ACTR3C: variants seen among roughly 807,000 people sequenced by gnomAD.
ACTR3C encodes actin-related protein 3C.
Under a neutral mutation model 26.3 loss-of-function variants are expected in ACTR3C, and 18 were observed. That is an observed-to-expected ratio of 0.68 (90% CI 0.47 to 1.01). The LOEUF (loss-of-function observed/expected upper bound fraction) is 1.01, where lower values mean the gene tolerates loss of function less well. Among genes scored for constraint, ACTR3C ranks in the 50% least tolerant of loss-of-function variants. The probability of loss-of-function intolerance (pLI) is 0.00; values close to 1 mark genes in which losing one functional copy is unlikely to be tolerated. For missense variants in ACTR3C, 184 were observed against 250.7 expected (o/e 0.73, Z 1.80); for synonymous variants, 55 against 94.5 (o/e 0.58, Z 2.42).
chr7:150,152,286 T>C, the ACTR3C span, among the ~76,000 whole-genome samples: 1 of 152,100 alleles, frequency 6.6e-6, no homozygotes, highest in African/African-American at 2.4e-5. Context: ...TTGTCATAGA[T>C]AGCTCTTATT....
At chr7:150,250,638 C>G (rs1222682936) in intron 6 of ACTR3C, among the ~76,000 whole-genome samples, 3 of 151,830 alleles carry the variant, frequency 2.0e-5, no homozygotes, top group Non-Finnish European at 4.4e-5. Flanking sequence ...AGGGGAGAAG[C>G]CAGTGGGTTC....
chr7:150,072,335 G>A, the ACTR3C span, among the ~76,000 whole-genome samples: 15 of 126,976 alleles, frequency 1.2e-4, no homozygotes, highest in African/African-American at 3.1e-4. Flanking sequence ...AGTGGCTAAC[G>A]CAAACGCTGT....
the ACTR3C span, among the ~76,000 whole-genome samples, chr7:149,918,201 A>G: frequency 6.6e-6 from 1 of 152,038 alleles, no homozygotes; most frequent in African/African-American, 2.4e-5. Context: ...CGTATATATA[A>G]GATCATAAAG....
the ACTR3C span, chr7:149,892,477 T>C: frequency 7.4e-7 from 1 of 1,350,936 alleles, no homozygotes; most frequent in Non-Finnish European, 9.8e-7. Flanking sequence ...AATATCCTAA[T>C]ATACACACAA....
At chr7:149,895,613 T>C in the ACTR3C span, among the ~76,000 whole-genome samples, 2 of 152,110 alleles carry the variant, frequency 1.3e-5, no homozygotes, top group African/African-American at 2.4e-5. Flanking sequence ...GGCAGGAGGA[T>C]AGCTTGAGCT....
chr7:150,120,208 A>G, the ACTR3C span, among the ~76,000 whole-genome samples: 4 of 152,234 alleles, frequency 2.6e-5, no homozygotes, highest in African/African-American at 7.2e-5. Flanking sequence ...TTCAAAAGCT[A>G]GCAGAAGAGA....
the ACTR3C span, among the ~76,000 whole-genome samples, chr7:150,236,477 C>T: frequency 6.6e-6 from 1 of 152,284 alleles, no homozygotes; most frequent in South Asian, 2.1e-4. Flanking sequence ...ATACACACTG[C>T]AAAAGCTCTA....
the ACTR3C span, among the ~76,000 whole-genome samples, chr7:149,903,881 G>A: frequency 3.4e-5 from 2 of 59,588 alleles, 1 homozygote; most frequent in Admixed American, 4.5e-4. Context: ...TGTTGTTGTT[G>A]TTGTTGTTGT....
chr7:150,286,369 C>T lies in ACTR3C; in HGVS notation c.469G>A (p.Glu157Lys). Residue 157 changes from glutamate (E) to lysine (K), a missense_variant and splice_region_variant, in exon 5 of 8, where the codon GAG (glutamate) becomes AAG (lysine). Transcript: ENST00000683684. Reference protein sequence around the residue: ...FLGPEIFFHPEFANPDSMESI... With the variant: ...FLGPEIFFHPKFANPDSMESI... ...ACACAAAAAAAGAAACACCTTACCT[C>T]CGGGTGAAAGAATATTTCAGGTCCC... The T allele has an allele frequency of 6.2e-7, 1 of 1,613,982 alleles. No homozygotes were observed. The highest frequency in any genetic ancestry group is 8.5e-7 in the Non-Finnish European group (1 of 1,179,964).
At chr7:149,970,118 C>T in the ACTR3C span, among the ~76,000 whole-genome samples, 2 of 152,150 alleles carry the variant, frequency 1.3e-5, no homozygotes, top group African/African-American at 4.8e-5. Flanking sequence ...GGGCTGGCCT[C>T]ATGAGCTAGG....
At chr7:150,318,808 G>T (rs1247988303) in intron 1 of ACTR3C, among the ~76,000 whole-genome samples, 2 of 152,150 alleles carry the variant, frequency 1.3e-5, no homozygotes, top group African/African-American at 4.8e-5. Context: ...GATTCTTCTG[G>T]GGGCCCGTGA....
chr7:150,127,698 A>G, the ACTR3C span, among the ~76,000 whole-genome samples: 3 of 152,166 alleles, frequency 2.0e-5, no homozygotes, highest in Admixed American at 6.5e-5. Context: ...TTTTCACTAA[A>G]AAATTTTTGC....
the ACTR3C span, among the ~76,000 whole-genome samples, chr7:150,088,457 G>T: frequency 3.9e-5 from 6 of 152,086 alleles, no homozygotes; most frequent in African/African-American, 7.2e-5. Flanking sequence ...CAGCAAAAAG[G>T]AATTCTCATG....
At chr7:150,009,910 C>G in the ACTR3C span, among the ~76,000 whole-genome samples, 1 of 152,246 alleles carries the variant, frequency 6.6e-6, no homozygotes, top group African/African-American at 2.4e-5. Flanking sequence ...AGTCCTTCTT[C>G]AGCTGTAAAG....
chr7:150,167,287 A>C, the ACTR3C span, among the ~76,000 whole-genome samples: 2 of 150,834 alleles, frequency 1.3e-5, no homozygotes, highest in Admixed American at 1.3e-4. Context: ...CCAGAAGTGT[A>C]CTAGCATTCC....
chr7:150,291,168 C>T (rs1324251446), intron 3 of ACTR3C, among the ~76,000 whole-genome samples: 3 of 152,222 alleles, frequency 2.0e-5, no homozygotes, highest in Admixed American at 1.3e-4. Flanking sequence ...TAGTGGCTCA[C>T]GCCTGTAATC....
intron 6 of ACTR3C, among the ~76,000 whole-genome samples, chr7:150,251,007 T>C (rs1422922674): frequency 1.3e-5 from 2 of 152,180 alleles, no homozygotes; most frequent in African/African-American, 4.8e-5. Context: ...GGACGGAATA[T>C]CTATAACATC....
chr7:149,983,449 G>GTGTGTGTGTGTATATATATATA, the ACTR3C span, among the ~76,000 whole-genome samples: 6 of 23,308 alleles, frequency 2.6e-4, no homozygotes, highest in African/African-American at 8.7e-4. Context: ...GTGTGTGTGT[G>GTGTGTGTGTGTATATATATATA]TATATATATA....
chr7:150,283,783 C>T (rs1396803780), intron 6 of ACTR3C, among the ~76,000 whole-genome samples: 1 of 150,866 alleles, frequency 6.6e-6, no homozygotes, highest in African/African-American at 2.5e-5. Context: ...CTTCTCTGTA[C>T]AATTCAGCGA....
Sources: allele counts gnomAD v4.1 joint callset (sites outside exome capture counted in the v4.1 genomes callset), GRCh38; gene constraint gnomAD v4.1.1; transcripts MANE v1.5; gene names NCBI Gene and HGNC (gene_info 2026-07-23, HGNC 2026-07-21).